Variants in PDE3A observed in about 807,000 individuals in gnomAD.
PDE3A encodes the protein cGMP-inhibited 3',5'-cyclic phosphodiesterase 3A.
Under a neutral mutation model 98.3 loss-of-function variants are expected in PDE3A, and 43 were observed. That is an observed-to-expected ratio of 0.44 (90% CI 0.34 to 0.56). The LOEUF (loss-of-function observed/expected upper bound fraction) is 0.56. PDE3A is among the 20% of genes least tolerant of loss of function. The pLI is 0.01. For synonymous variants in PDE3A, 663 were observed against 567.9 expected (o/e 1.17, Z -2.38); for missense variants, 1,427 against 1,440.7 (o/e 0.99, Z 0.15).
Position 20,529,781 on chromosome 12 carries a change from C to G in PDE3A, c.961-26879C>G, listed in dbSNP as rs113152819. 9.1e-4 allele frequency among the ~76,000 whole-genome samples: 139 copies of G among 152,164 alleles called. 1 individual carries two copies. The highest frequency in any genetic ancestry group is 3.3e-3 in the African/African-American group (135 of 41,520). ...ATAATAAATTACTGTTGTTCTAAAC[C>G]ACTGAATTTGTTTACCTAGTTATGA... On this transcript the variant is annotated intron_variant, in intron 1 of 15. Transcript: ENST00000359062.
Position 20,684,987 on chromosome 12 carries a change from C to T in PDE3A, c.*4716C>T, listed in dbSNP as rs1945915092. 6.6e-6 allele frequency among the ~76,000 whole-genome samples: 1 copy of T among 152,206 alleles called. No individual in the cohort carries two copies. The highest frequency in any genetic ancestry group is 2.4e-5 in the African/African-American group (1 of 41,458). On this transcript the variant is annotated 3_prime_UTR_variant, in exon 16 of 16. Coordinates refer to ENST00000359062, the MANE Select transcript of PDE3A (RefSeq NM_000921.5). ...GGATGTTAGGCAATGTGTGCTATTG[C>T]CAACACATGGTATTTGTTGAAATAC...
At chr12:20,578,683 T>G (rs1942997898) in intron 2 of PDE3A, among the ~76,000 whole-genome samples, 1 of 152,096 alleles carries the variant, frequency 6.6e-6, no homozygotes, top group South Asian at 2.1e-4. Context: ...AAATTATTAT[T>G]ATTAGATCTG....
At chr12:20,427,606 A>C (rs75324805) in intron 1 of PDE3A, among the ~76,000 whole-genome samples, 6,295 of 152,276 alleles carry the variant, frequency 0.041, 173 homozygotes, top group South Asian at 0.06. Flanking sequence ...CAATTTCAGC[A>C]GTTTGTATAA....
chr12:20,505,935 T>G (rs1298634150), intron 1 of PDE3A, among the ~76,000 whole-genome samples: 4 of 152,034 alleles, frequency 2.6e-5, no homozygotes, highest in Non-Finnish European at 5.9e-5. Flanking sequence ...CATTGGTTAG[T>G]GCCCCCAAAA....
chr12:20,380,798 C>T (rs1220014005), intron 1 of PDE3A, among the ~76,000 whole-genome samples: 1 of 151,680 alleles, frequency 6.6e-6, no homozygotes, highest in Non-Finnish European at 1.5e-5. Flanking sequence ...ATATGGTTTT[C>T]ATTTGAAAAA....
intron 5 of PDE3A, among the ~76,000 whole-genome samples, chr12:20,624,531 A>G (rs951364902): frequency 3.9e-5 from 6 of 152,184 alleles, no homozygotes; most frequent in Non-Finnish European, 7.3e-5. Context: ...TGAGAGCCAC[A>G]GGCATAGCAA....
intron 1 of PDE3A, among the ~76,000 whole-genome samples, chr12:20,516,392 T>C (rs1946324153): frequency 6.6e-6 from 1 of 152,218 alleles, no homozygotes; most frequent in South Asian, 2.1e-4. Flanking sequence ...TTGCTTGATT[T>C]GTATCTTTCA....
intron 1 of PDE3A, among the ~76,000 whole-genome samples, chr12:20,422,002 T>C (rs1944520578): frequency 6.6e-6 from 1 of 152,210 alleles, no homozygotes; most frequent in Non-Finnish European, 1.5e-5. Context: ...TTGAAAAATC[T>C]CAACTTCACT....
At chr12:20,536,051 T>C (rs568604781) in intron 1 of PDE3A, among the ~76,000 whole-genome samples, 2 of 152,218 alleles carry the variant, frequency 1.3e-5, no homozygotes, top group South Asian at 4.1e-4. Flanking sequence ...AAATCTCCAT[T>C]TGGTTCAGAC....
intron 1 of PDE3A, among the ~76,000 whole-genome samples, chr12:20,497,379 G>C (rs1945938652): frequency 6.6e-6 from 1 of 151,402 alleles, no homozygotes; most frequent in African/African-American, 2.4e-5. Context: ...GAAATGTAAT[G>C]AGTTCTTCAT....
intron 1 of PDE3A, among the ~76,000 whole-genome samples, chr12:20,494,218 A>T (rs1945878774): frequency 6.6e-6 from 1 of 152,166 alleles, no homozygotes; most frequent in African/African-American, 2.4e-5. Context: ...GAAGCCTTTT[A>T]TTTTTCTTGG....
chr12:20,666,436 C>T (rs1017403902), intron 15 of PDE3A, among the ~76,000 whole-genome samples: 8 of 152,144 alleles, frequency 5.3e-5, no homozygotes, highest in African/African-American at 1.9e-4. Context: ...AACCCCCAAC[C>T]ATACACCCTT....
rs978853767 is a variant in PDE3A at position 20,552,786 on chromosome 12, G to T, written c.961-3874G>T. The T allele has an allele frequency of 6.2e-7, 1 of 1,614,056 alleles. No individual in the cohort carries two copies. On this transcript the variant is annotated intron_variant, in intron 1 of 15. Coordinates refer to ENST00000359062, the MANE Select transcript of PDE3A (RefSeq NM_000921.5). The surrounding 1 kb of genome is among the most constrained non-coding windows in gnomAD (Gnocchi z 5.1). ...TCCAGTTGTTCCTGAGTAAAGTGGA[G>T]GAGACGTTCCAGTGTATCTGCTGTC...
chr12:20,688,044 A>G lies in PDE3A; in HGVS notation c.*7773A>G, dbSNP rs1170208344. ...CTAAATTTACTGTTTCTGAAAAGCA[A>G]TATTTTCAAATAACTGCCAACCAAA... On this transcript the variant is annotated 3_prime_UTR_variant, in exon 16 of 16. Coordinates refer to ENST00000359062, the MANE Select transcript of PDE3A (RefSeq NM_000921.5). Among the ~76,000 whole-genome samples the G allele has an allele frequency of 1.3e-5, 2 of 152,024 alleles. No homozygotes were observed. The highest frequency in any genetic ancestry group is 2.1e-4 in the South Asian group (1 of 4,830).
At position 20,639,860 on chromosome 12, in the gene PDE3A, T is replaced by C. The variant is rs1293582142; in HGVS notation, c.2154T>C (p.Leu718=). Residue 718 remains leucine, a synonymous_variant, in exon 10 of 16, where the codon CTT becomes CTC. Coordinates refer to ENST00000359062, the MANE Select transcript of PDE3A (RefSeq NM_000921.5). ...GRILSQVSYR[L]FEDMGLFEAF... is the part of the protein sequence containing the mutation. Reference sequence around the variant, plus strand: ...TTCTTTTACAGGTATCTTACAGACTTTTTGAAGACATGGGCCTCTTTGAAG... The same window carrying C: ...TTCTTTTACAGGTATCTTACAGACTCTTTGAAGACATGGGCCTCTTTGAAG... 6 of 1,539,492 alleles carry C rather than the reference T, an allele frequency of 3.9e-6. No homozygotes were observed. The highest frequency in any genetic ancestry group is 1.7e-5 in the Admixed American group (1 of 59,876).
chr12:20,369,580 A>C lies in PDE3A; in HGVS notation c.296A>C (p.Glu99Ala), dbSNP rs201132768. The change falls in exon 1 of 16, where the codon GAG (glutamate) becomes GCG (alanine). Residue 99 changes from glutamate (E) to alanine (A), a missense_variant. Physicochemically the swap from Glu to Ala is moderately radical, Grantham distance 107. Transcript: ENST00000359062. ...CAGTGTAAGGAGGCGGCGGCGGCGGAGGAGGAGGAAGCAGCCCCGGGAGCA... is the reference window on the plus strand; with the variant it reads ...CAGTGTAAGGAGGCGGCGGCGGCGGCGGAGGAGGAAGCAGCCCCGGGAGCA... Reference protein sequence around the residue: ...LEQCKEAAAAEEEEAAPGAEG... With the variant: ...LEQCKEAAAAAEEEAAPGAEG... 3.6e-3 allele frequency: 5,621 copies of C among 1,554,610 alleles called. 19 individuals are homozygous for C. Among genetic ancestry groups the C allele is most frequent in the African/African-American group, 7.5e-3 (552 of 73,542 alleles).
chr12:20,456,473 T>C (rs1037546222), intron 1 of PDE3A, among the ~76,000 whole-genome samples: 3 of 152,126 alleles, frequency 2.0e-5, no homozygotes, highest in Admixed American at 6.6e-5. Flanking sequence ...TGGAAACATG[T>C]ATCTCTCTGT....
At chr12:20,410,819 T>C (rs553767841) in intron 1 of PDE3A, among the ~76,000 whole-genome samples, 2 of 152,174 alleles carry the variant, frequency 1.3e-5, no homozygotes, top group African/African-American at 4.8e-5. Context: ...GGGCTCAGAA[T>C]TGAACATGAA....
intron 1 of PDE3A, among the ~76,000 whole-genome samples, chr12:20,503,696 C>T (rs1042418302): frequency 2.6e-5 from 4 of 151,820 alleles, no homozygotes; most frequent in African/African-American, 9.7e-5. Context: ...TCATAACTAC[C>T]TTATTTCAAT....
Sources: allele counts gnomAD v4.1 joint callset (sites outside exome capture counted in the v4.1 genomes callset), GRCh38; gene constraint gnomAD v4.1.1; non-coding constraint Gnocchi (gnomAD v3.1); transcripts MANE v1.5; gene names NCBI Gene and HGNC (gene_info 2026-07-23, HGNC 2026-07-21).